The following C4orf50 variants were observed in gnomAD, a reference collection of about 807,000 sequenced individuals.
C4orf50 encodes the protein chromosome 4 open reading frame 50, also known as uncharacterized protein C4orf50.
A neutral mutation model predicts 77.2 loss-of-function variants in C4orf50; 80 were observed. The observed-to-expected ratio is 1.04, with a 90% CI of 0.87 to 1.25. The LOEUF (loss-of-function observed/expected upper bound fraction) is 1.25, where lower values mean the gene tolerates loss of function less well. Ranked by LOEUF, C4orf50 falls within the 50% of genes most tolerant of loss-of-function variation. The pLI, the probability that C4orf50 is intolerant of heterozygous loss-of-function variation, is 0.00. For missense variants in C4orf50, 1,257 were observed against 1,152.9 expected (o/e 1.09, Z -1.31); for synonymous variants, 532 against 465.3 (o/e 1.14, Z -1.84).
downstream of C4orf50, among the ~76,000 whole-genome samples, chr4:5,954,203 C>T (rs992543381): frequency 2.0e-5 from 3 of 152,168 alleles, no homozygotes; most frequent in African/African-American, 4.8e-5. The surrounding 1 kb of genome is among the most constrained non-coding windows in gnomAD (Gnocchi z 4.7). Context: ...GGAATGGCTA[C>T]TCTAGGCTCC....
At chr4:5,954,315 G>C (rs138133297), downstream of C4orf50, among the ~76,000 whole-genome samples, 4,580 of 152,178 alleles carry the variant, frequency 0.03, 170 homozygotes, top group African/African-American at 0.09. This position sits in a 1 kb window ranked among gnomAD's most constrained non-coding sequence, Gnocchi z 4.7. Context: ...CCCGGGGCTG[G>C]GCATGGGGAA....
intron 32 of C4orf50, 107 bp from the exon 11 acceptor site, chr4:5,965,252 A>T: frequency 8.2e-7 from 1 of 1,217,916 alleles, no homozygotes; most frequent in Admixed American, 2.5e-5. Context: ...CCATTCCCAG[A>T]TCATTCCCAG....
rs1055160599 is a variant in C4orf50 at position 6,011,135 on chromosome 4, C to T, written c.426+695G>A. Among the ~76,000 whole-genome samples the T allele has an allele frequency of 1.3e-5, 2 of 152,178 alleles. No homozygotes were observed. The highest frequency in any genetic ancestry group is 2.4e-5 in the African/African-American group (1 of 41,442). On this transcript the variant is annotated intron_variant, in intron 24 of 33. Coordinates refer to ENST00000531445, the Ensembl canonical transcript of C4orf50. This position sits in a 1 kb window ranked among gnomAD's most constrained non-coding sequence, Gnocchi z 4.2. ...CCCTGCCTCCATCATCTCTCTCTCC[C>T]ATGCAGGGAGAATGGCATTCCCCAA... is the stretch of plus-strand genomic sequence containing the variant.
At chr4:5,971,651 G>T (rs2108773258) in intron 31 of C4orf50, among the ~76,000 whole-genome samples, 1 of 152,274 alleles carries the variant, frequency 6.6e-6, no homozygotes, top group Admixed American at 6.5e-5. Context: ...ATGAAGAAAT[G>T]ACTGAAAAAA....
At chr4:5,978,059 A>T (rs192548231) in intron 29 of C4orf50, among the ~76,000 whole-genome samples, 1 of 152,380 alleles carries the variant, frequency 6.6e-6, no homozygotes, top group East Asian at 1.9e-4. Flanking sequence ...ACCCACAAGC[A>T]CGTGAAAAGA....
chr4:5,961,926 A>T (rs1577935919), intron 33 of C4orf50, among the ~76,000 whole-genome samples: 1 of 152,238 alleles, frequency 6.6e-6, no homozygotes, highest in Middle Eastern at 3.4e-3. Flanking sequence ...GTAGGTCACT[A>T]ATCCCCTGGT....
chr4:5,992,901 T>C lies in C4orf50; in HGVS notation c.1123A>G (p.Ser375Gly). Reference sequence around the variant, plus strand: ...GAGGCCCGTCCAGGCCTGATGCGGCTCCAGGTGCAGGGCCCCTCTGGGGAC... The same window carrying C: ...GAGGCCCGTCCAGGCCTGATGCGGCCCCAGGTGCAGGGCCCCTCTGGGGAC... Residue 375 changes from serine (S) to glycine (G), a missense_variant, in exon 27 of 34, where the codon AGC becomes GGC. Physicochemically the swap from Ser to Gly is moderately conservative, Grantham distance 56. Coordinates refer to ENST00000531445, the Ensembl canonical transcript of C4orf50. This position sits in a 1 kb window ranked among gnomAD's most constrained non-coding sequence, Gnocchi z 5.0. 1 of 398,998 alleles carries C rather than the reference T, an allele frequency of 2.5e-6. No individual in the cohort carries two copies. Among genetic ancestry groups the C allele is most frequent in the Non-Finnish European group, 4.4e-6 (1 of 226,110 alleles). The allele number at this position is 398,998 out of a possible 1,614,324, so 24.7% of individuals were successfully genotyped here. A position where few individuals can be genotyped will look rare whatever the true frequency, so the allele number is the denominator to read the frequency against.
intron 7 of C4orf50, among the ~76,000 whole-genome samples, chr4:5,910,902 TC>T (rs1716774803): frequency 1.1e-5 from 1 of 94,148 alleles, no homozygotes; most frequent in Non-Finnish European, 2.1e-5. Context: ...TTCTTCCCTT[TC>T]TTTCTTTTTT....
intron 27 of C4orf50, 149 bp from the exon 6 acceptor site, chr4:5,990,973 C>T (rs904960289): frequency 7.5e-6 from 3 of 397,642 alleles, no homozygotes; most frequent in East Asian, 7.1e-5. Context: ...GCTGGTACCG[C>T]CCCAGGGCCT....
In C4orf50 at chr4:5,952,044, G is replaced by T. The variant is rs1718747692; in HGVS notation, c.*2474+4857C>A. ...TAAAATAAAATATGTGCTTGGAAGTGCCATTAAAATAAAATGAATCAACTA... is the reference window on the plus strand; with the variant it reads ...TAAAATAAAATATGTGCTTGGAAGTTCCATTAAAATAAAATGAATCAACTA... On this transcript the variant is annotated intron_variant, in intron 7 of 7. Coordinates refer to the C4orf50 transcript ENST00000324058. This position sits in a 1 kb window ranked among gnomAD's most constrained non-coding sequence, Gnocchi z 4.4. Among the ~76,000 whole-genome samples, 2 of 152,182 alleles carry T rather than the reference G, an allele frequency of 1.3e-5. No homozygotes were observed. Among genetic ancestry groups the T allele is most frequent in the East Asian group, 3.8e-4 (2 of 5,200 alleles).
chr4:6,008,472 A>G lies in C4orf50; in HGVS notation c.487T>C (p.Leu163=). 2.5e-6 allele frequency: 1 copy of G among 396,882 alleles called. No homozygotes were observed. The highest frequency in any genetic ancestry group is 4.4e-6 in the Non-Finnish European group (1 of 225,260). 24.6% of individuals were successfully genotyped at this position (396,882 alleles called of 1,614,324 possible). A position where few individuals can be genotyped will look rare whatever the true frequency, so the allele number is the denominator to read the frequency against. The change falls in exon 25 of 34, where the codon TTG becomes CTG. Residue 163 remains leucine (L), a synonymous_variant. Transcript: ENST00000531445. This position sits in a 1 kb window ranked among gnomAD's most constrained non-coding sequence, Gnocchi z 6.0. ...CCCAGTGCCTCGTCCTTGCGCCGCA[A>G]CCGCTCCTGCAACCGCCGCAGCCGC...
At chr4:5,920,097 C>T (rs80051693) in intron 7 of C4orf50, among the ~76,000 whole-genome samples, 5,485 of 152,212 alleles carry the variant, frequency 0.036, 269 homozygotes, top group African/African-American at 0.11. Context: ...ATGCAAATGC[C>T]GTGCCATTTT....
chr4:6,018,009 TGCGTGG>T lies in C4orf50; in HGVS notation c.287+130_287+135del. The T allele has an allele frequency of 2.5e-6, 1 of 397,062 alleles. No homozygotes were observed. The allele number at this position is 397,062 out of a possible 1,614,324, so 24.6% of individuals were successfully genotyped here. ...GCGGGAGGAGCAGAAGGCAAGTGAC[TGCGTGG>T]GCAGGTTACGTGTCTTTGGTGAGCC... On this transcript the variant is annotated intron_variant, in intron 23 of 33. Transcript: ENST00000531445. This position sits in a 1 kb window ranked among gnomAD's most constrained non-coding sequence, Gnocchi z 5.1.
chr4:5,925,512 G>A (rs1717477318), intron 7 of C4orf50, among the ~76,000 whole-genome samples: 1 of 152,238 alleles, frequency 6.6e-6, no homozygotes, highest in African/African-American at 2.4e-5. Context: ...AGTGGACAAG[G>A]ACTGGCAGAA....
chr4:6,003,950 T>A (rs111203611), intron 25 of C4orf50, among the ~76,000 whole-genome samples: 7 of 1,132 alleles, frequency 6.2e-3, no homozygotes, highest in African/African-American at 0.02. Flanking sequence ...ATGGTGATGA[T>A]GGTGATGGTG....
In C4orf50 at chr4:5,910,910, T is replaced by TC. The variant is rs200877637; in HGVS notation, c.*2475-12723_*2475-12722insG. The stretch of plus-strand genomic sequence containing the variant: ...AATGGGTTTCTTCCCTTTCTTTCTT[T>TC]TTTTTTTTTTTTTTTTTGAGACGGA... On this transcript the variant is annotated intron_variant, in intron 7 of 7. Coordinates refer to the C4orf50 transcript ENST00000324058. Among the ~76,000 whole-genome samples, 1,016 of 136,280 alleles carry TC rather than the reference T, an allele frequency of 7.5e-3. 7 individuals are homozygous for TC. Among genetic ancestry groups the TC allele is most frequent in the African/African-American group, 0.027 (949 of 35,590 alleles). 89.4% of individuals were successfully genotyped at this position (136,280 alleles called of 152,430 possible). A position where few individuals can be genotyped will look rare whatever the true frequency, so the allele number is the denominator to read the frequency against.
At chr4:5,986,447 G>C (rs894751890) in intron 28 of C4orf50, among the ~76,000 whole-genome samples, 1 of 152,026 alleles carries the variant, frequency 6.6e-6, no homozygotes, top group Non-Finnish European at 1.5e-5. Context: ...AGCTATTTTA[G>C]GTTTTTTGTT....
At chr4:5,977,541 T>C (rs1342162787) in intron 29 of C4orf50, among the ~76,000 whole-genome samples, 2 of 152,250 alleles carry the variant, frequency 1.3e-5, no homozygotes, top group Non-Finnish European at 2.9e-5. Flanking sequence ...CTCATTCTTT[T>C]AAAAGCTTGC....
intron 31 of C4orf50, among the ~76,000 whole-genome samples, chr4:5,969,584 A>G (rs1232034332): frequency 6.6e-6 from 1 of 151,416 alleles, no homozygotes; most frequent in East Asian, 1.9e-4. Flanking sequence ...CTCCCAGGGG[A>G]GCAAAACTGA....
Sources: allele counts gnomAD v4.1 joint callset (sites outside exome capture counted in the v4.1 genomes callset), GRCh38; gene constraint gnomAD v4.1.1; non-coding constraint Gnocchi (gnomAD v3.1); transcripts MANE v1.5; gene names NCBI Gene and HGNC (gene_info 2026-07-23, HGNC 2026-07-21).